CTR9: variants seen among roughly 807,000 people sequenced by gnomAD.
CTR9 encodes RNA polymerase-associated protein CTR9 homolog.
A neutral mutation model predicts 152.1 loss-of-function variants in CTR9; 41 were observed. The observed-to-expected ratio is 0.27, with a 90% CI of 0.21 to 0.35. The LOEUF (loss-of-function observed/expected upper bound fraction) is 0.35, where lower values mean the gene tolerates loss of function less well. Ranked by LOEUF, CTR9 falls within the 10% of genes least tolerant of loss-of-function variation. CTR9 has a pLI of 1.00. For synonymous variants in CTR9, 476 were observed against 496.2 expected, an observed-to-expected ratio of 0.96 and a Z score of 0.54; for missense variants, 917 against 1,424.4, an observed-to-expected ratio of 0.64 and a Z score of 5.73.
chr11:10,767,702 A>T lies in CTR9; in HGVS notation c.1687-104A>T. 1.0e-6 allele frequency: 1 copy of T among 987,536 alleles called. No individual in the cohort carries two copies. The highest frequency in any genetic ancestry group is 1.5e-6 in the Non-Finnish European group (1 of 655,492). 61.2% of individuals were successfully genotyped at this position (987,536 alleles called of 1,614,324 possible). Reference sequence around the variant, plus strand: ...AGAAAAGAAAGAAAACCACTGTTGTAATATAGTTTGTAAACCTCTTCAGTA... The same window carrying T: ...AGAAAAGAAAGAAAACCACTGTTGTTATATAGTTTGTAAACCTCTTCAGTA... On this transcript the variant is annotated intron_variant, in intron 13 of 24. Transcript: ENST00000361367. The surrounding 1 kb of genome is among the most constrained non-coding windows in gnomAD (Gnocchi z 4.0).
intron 13 of CTR9, among the ~76,000 whole-genome samples, 162 bp downstream of exon 13, chr11:10,766,652 T>G (rs538023520): frequency 6.6e-6 from 1 of 152,332 alleles, no homozygotes; most frequent in South Asian, 2.1e-4. Context: ...GTTGCATTAT[T>G]AATCATGTTA....
intron 16 of CTR9, among the ~76,000 whole-genome samples, chr11:10,769,765 G>C (rs1863114091): frequency 6.6e-6 from 1 of 152,184 alleles, no homozygotes; most frequent in Non-Finnish European, 1.5e-5. Context: ...TTACCAAGAA[G>C]TTAACAACCA....
At position 10,767,320 on chromosome 11, in the gene CTR9, C is replaced by T. The variant is rs985386884; in HGVS notation, c.1687-486C>T. The T allele has an allele frequency of 3.9e-5, 6 of 155,588 alleles. No individual in the cohort carries two copies. The highest frequency in any genetic ancestry group is 7.1e-5 in the Non-Finnish European group (5 of 69,994). The allele number at this position is 155,588 out of a possible 1,614,324, so 9.6% of individuals were successfully genotyped here. On this transcript the variant is annotated intron_variant, in intron 13 of 24. Coordinates refer to ENST00000361367, the MANE Select transcript of CTR9 (RefSeq NM_014633.5). This position sits in a 1 kb window ranked among gnomAD's most constrained non-coding sequence, Gnocchi z 4.0. ...TTTTTGCCTGTTAGTGATGGTTCCACGTTTGTAACGTTTTGGTTGAGATTT... is the reference window on the plus strand; with the variant it reads ...TTTTTGCCTGTTAGTGATGGTTCCATGTTTGTAACGTTTTGGTTGAGATTT...
chr11:10,752,659 T>G lies in CTR9; in HGVS notation c.46-13T>G, dbSNP rs1564963887. ...AGTGGAATAAGAGTTAAGACCTACC[T>G]TTTGTATTTTAGGTCATTGAACTTG... is the stretch of plus-strand genomic sequence containing the variant. On this transcript the variant is annotated splice_polypyrimidine_tract_variant and intron_variant, in intron 1 of 24. Transcript: ENST00000361367. The G allele has an allele frequency of 1.3e-6, 2 of 1,587,514 alleles. No homozygotes were observed. Among genetic ancestry groups the G allele is most frequent in the African/African-American group, 1.3e-5 (1 of 74,378 alleles).
At chr11:10,775,407 GT>G (rs1863216560) in intron 23 of CTR9, 104 bp downstream of exon 23, 2 of 1,389,652 alleles carry the variant, frequency 1.4e-6, no homozygotes, top group East Asian at 4.8e-5. Flanking sequence ...ACAAATGCTT[GT>G]TTTCAAAGTT....
In CTR9 at chr11:10,766,494, G is replaced by A. The variant is rs374265365; in HGVS notation, c.1686+4G>A. 5 of 1,576,682 alleles carry A rather than the reference G, an allele frequency of 3.2e-6. No individual in the cohort carries two copies. Among genetic ancestry groups the A allele is most frequent in the Non-Finnish European group, 3.4e-6 (4 of 1,162,098 alleles). ...GGAAGCTCTTCAGATTAATCAGGTTGGTAATATTAACTCTTAGGTTTGAGA... is the reference window on the plus strand; with the variant it reads ...GGAAGCTCTTCAGATTAATCAGGTTAGTAATATTAACTCTTAGGTTTGAGA... On this transcript the variant is annotated splice_donor_region_variant and intron_variant, in intron 13 of 24. Coordinates refer to ENST00000361367, the MANE Select transcript of CTR9 (RefSeq NM_014633.5).
In CTR9 at chr11:10,773,139, C is replaced by G; in HGVS notation, c.2593C>G (p.Leu865Val). 1 of 1,598,532 alleles carries G rather than the reference C, an allele frequency of 6.3e-7. No individual in the cohort carries two copies. The highest frequency in any genetic ancestry group is 8.5e-7 in the Non-Finnish European group (1 of 1,176,500). ...TTTTTCCTCATAGGAAGAGAAACGT[C>G]TCAGAGAAAAGGAAGAGCAAAAGAA... ...KLLKEQEEKR[L>V]REKEEQKKLL... The change falls in exon 21 of 25, where the codon CTC (leucine) becomes GTC (valine). Residue 865 changes from leucine (L) to valine (V), a missense_variant. Leu to Val is a conservative substitution (Grantham distance 32, BLOSUM62 1). Transcript: ENST00000361367.
At chr11:10,761,168 C>T (rs906869496) in intron 6 of CTR9, among the ~76,000 whole-genome samples, 6 of 152,150 alleles carry the variant, frequency 3.9e-5, no homozygotes, top group South Asian at 2.1e-4. Flanking sequence ...CACTAAATGC[C>T]GATAGCGTTC....
Position 10,779,221 on chromosome 11 carries a change from C to A in CTR9, c.*116C>A. ...GTGAAATTTTTCTTAAGGCAATTTTCTTTTCTATCAGTTTGTATATTACTA... is the reference window on the plus strand; with the variant it reads ...GTGAAATTTTTCTTAAGGCAATTTTATTTTCTATCAGTTTGTATATTACTA... On this transcript the variant is annotated 3_prime_UTR_variant, in exon 25 of 25. Coordinates refer to ENST00000361367, the MANE Select transcript of CTR9 (RefSeq NM_014633.5). The A allele has an allele frequency of 4.7e-6, 5 of 1,072,092 alleles. No homozygotes were observed. The highest frequency in any genetic ancestry group is 6.5e-6 in the Non-Finnish European group (5 of 766,668). 66.4% of individuals were successfully genotyped at this position (1,072,092 alleles called of 1,614,324 possible).
intron 5 of CTR9, among the ~76,000 whole-genome samples, chr11:10,758,775 G>A (rs1862927561): frequency 6.6e-6 from 1 of 152,044 alleles, no homozygotes; most frequent in Admixed American, 6.6e-5. Flanking sequence ...CTCACATGGA[G>A]CAATAAAATA....
chr11:10,774,215 G>A (rs747201733), intron 22 of CTR9, 46 bp downstream of exon 22: 4 of 1,549,840 alleles, frequency 2.6e-6, no homozygotes, highest in Middle Eastern at 4.1e-4. Flanking sequence ...TAAAAGTGGT[G>A]AAAGACCTTT....
At position 10,778,955 on chromosome 11, in the gene CTR9, T is replaced by C. The variant is rs745471910; in HGVS notation, c.3372T>C (p.Ala1124=). Residue 1124 remains alanine (A), a synonymous_variant, in exon 25 of 25, where the codon GCT becomes GCC. Coordinates refer to ENST00000361367, the MANE Select transcript of CTR9 (RefSeq NM_014633.5). ...TTTCTGAGAACGACTCTCGCCCAGC[T>C]TCTCCAAGTGCCGAATCAGATCACG... ...SGVSENDSRP[A]SPSAESDHES... 1 of 1,614,142 alleles carries C rather than the reference T, an allele frequency of 6.2e-7. No individual in the cohort carries two copies. The highest frequency in any genetic ancestry group is 8.5e-7 in the Non-Finnish European group (1 of 1,180,026).
intron 1 of CTR9, among the ~76,000 whole-genome samples, chr11:10,752,404 T>C (rs200729024): frequency 1.3e-5 from 2 of 152,220 alleles, no homozygotes; most frequent in East Asian, 3.8e-4. Flanking sequence ...TGTTATTTTT[T>C]AGTAAGCAGA....
At chr11:10,772,082 G>A (rs769404300) in intron 19 of CTR9, among the ~76,000 whole-genome samples, 21 of 152,022 alleles carry the variant, frequency 1.4e-4, no homozygotes, top group South Asian at 8.3e-4. Flanking sequence ...TTGGCTGGGC[G>A]CAGTGGCTCA....
chr11:10,779,209 TA>T lies in CTR9; in HGVS notation c.*106del. The T allele has an allele frequency of 8.2e-7, 1 of 1,214,446 alleles. No homozygotes were observed. 75.2% of individuals were successfully genotyped at this position (1,214,446 alleles called of 1,614,324 possible). The stretch of plus-strand genomic sequence containing the variant: ...GTTTAGTCAATTGTGAAATTTTTCT[TA>T]AGGCAATTTTCTTTTCTATCAGTTT... On this transcript the variant is annotated 3_prime_UTR_variant, in exon 25 of 25. Transcript: ENST00000361367.
chr11:10,770,348 C>T, intron 17 of CTR9, 22 bp downstream of exon 17: 1 of 1,599,138 alleles, frequency 6.3e-7, no homozygotes, highest in African/African-American at 1.3e-5. Context: ...AGATGTTATT[C>T]CCATCCATTT....
chr11:10,757,949 A>C (rs1862912643), intron 5 of CTR9, among the ~76,000 whole-genome samples: 1 of 152,244 alleles, frequency 6.6e-6, no homozygotes, highest in African/African-American at 2.4e-5. Context: ...ACTAGCAGCC[A>C]TGCAGATATA....
In CTR9 at chr11:10,755,805, C is replaced by G. The variant is rs766311213; in HGVS notation, c.502+10C>G. 6 of 1,523,732 alleles carry G rather than the reference C, an allele frequency of 3.9e-6. No homozygotes were observed. The highest frequency in any genetic ancestry group is 4.5e-6 in the Non-Finnish European group (5 of 1,101,180). 94.4% of individuals were successfully genotyped at this position (1,523,732 alleles called of 1,614,324 possible). On this transcript the variant is annotated intron_variant, in intron 4 of 24. Transcript: ENST00000361367. ...ATTCCAGCCCTTCTTGGTAAGTGGT[C>G]TTTGGCAACATGTTAGGAAACAGTT...
chr11:10,777,616 G>T (rs1863263712), intron 24 of CTR9, among the ~76,000 whole-genome samples: 1 of 152,176 alleles, frequency 6.6e-6, no homozygotes, highest in Non-Finnish European at 1.5e-5. Flanking sequence ...GTGAGAGGCT[G>T]AGCTGCTGCC....
Sources: gnomAD v4.1 joint callset for allele counts (sites outside exome capture counted in the v4.1 genomes callset) on GRCh38, gnomAD v4.1.1 for gene constraint, Gnocchi (gnomAD v3.1) non-coding constraint, MANE v1.5 for transcripts, NCBI Gene and HGNC (gene_info 2026-07-23, HGNC 2026-07-21) for gene names.